NKAIN3: variants seen among roughly 807,000 people sequenced by gnomAD.
The protein encoded by NKAIN3 is sodium/potassium transporting ATPase interacting 3, also known as sodium/potassium-transporting ATPase subunit beta-1-interacting protein 3.
NKAIN3 carries 25 observed loss-of-function variants against 30.2 expected under a neutral mutation model. That is an observed-to-expected ratio of 0.83 (90% CI 0.60 to 1.16). The LOEUF is 1.16. Among genes scored for constraint, NKAIN3 ranks in the 50% most tolerant of loss-of-function variants. The pLI, the probability that NKAIN3 is intolerant of heterozygous loss-of-function variation, is 0.00. For missense variants in NKAIN3, 225 were observed against 254.1 expected (o/e 0.89, Z 0.78); for synonymous variants, 91 against 89.6 (o/e 1.02, Z -0.09).
At chr8:62,730,683 CT>C (rs1815436520) in intron 3 of NKAIN3, among the ~76,000 whole-genome samples, 2 of 151,938 alleles carry the variant, frequency 1.3e-5, no homozygotes, top group Non-Finnish European at 2.9e-5. Context: ...AAATTTCTTC[CT>C]TTCTTTTTAT....
intron 1 of NKAIN3, among the ~76,000 whole-genome samples, chr8:62,540,231 T>G (rs1808796130): frequency 6.6e-6 from 1 of 152,200 alleles, no homozygotes; most frequent in Admixed American, 6.5e-5. Context: ...AAAATGTGCT[T>G]TAGCTGCTTT....
intron 1 of NKAIN3, among the ~76,000 whole-genome samples, chr8:62,335,148 A>G (rs982850765): frequency 6.6e-6 from 1 of 152,060 alleles, no homozygotes; most frequent in Non-Finnish European, 1.5e-5. Context: ...TGAAAATCTC[A>G]TGCCAGCAGG....
At chr8:62,877,018 G>A (rs968525749) in intron 4 of NKAIN3, among the ~76,000 whole-genome samples, 4 of 151,828 alleles carry the variant, frequency 2.6e-5, no homozygotes, top group South Asian at 4.1e-4. Flanking sequence ...GAGAGAGAGT[G>A]AAAGCCAAGC....
chr8:62,341,196 G>T (rs929998353), intron 1 of NKAIN3, among the ~76,000 whole-genome samples: 1 of 151,980 alleles, frequency 6.6e-6, no homozygotes, highest in Admixed American at 6.6e-5. Flanking sequence ...ATTTGTGTAT[G>T]TAATTATGAG....
At chr8:62,256,239 C>A (rs1253795640) in intron 1 of NKAIN3, among the ~76,000 whole-genome samples, 1 of 151,178 alleles carries the variant, frequency 6.6e-6, no homozygotes, top group Non-Finnish European at 1.5e-5. Flanking sequence ...AAAGTGAGAC[C>A]CTGTCTCTAT....
intron 1 of NKAIN3, among the ~76,000 whole-genome samples, chr8:62,421,162 T>C (rs148623240): frequency 6.6e-6 from 1 of 152,250 alleles, no homozygotes; most frequent in Non-Finnish European, 1.5e-5. Flanking sequence ...CTGTCCTTCT[T>C]AGTTCCTCCC....
intron 3 of NKAIN3, among the ~76,000 whole-genome samples, chr8:62,615,191 C>T (rs1405504873): frequency 2.0e-5 from 3 of 152,130 alleles, no homozygotes; most frequent in African/African-American, 7.2e-5. Context: ...TATTCAGAGC[C>T]CAACAGCTCT....
intron 1 of NKAIN3, among the ~76,000 whole-genome samples, chr8:62,377,527 G>C (rs1236759421): frequency 6.6e-6 from 1 of 152,102 alleles, no homozygotes; most frequent in Non-Finnish European, 1.5e-5. Flanking sequence ...GAAATAATGG[G>C]CTCTAAGTGT....
chr8:62,658,943 G>C (rs372943949), intron 3 of NKAIN3, among the ~76,000 whole-genome samples: 1 of 152,008 alleles, frequency 6.6e-6, no homozygotes, highest in Non-Finnish European at 1.5e-5. Context: ...AAATGCAGCA[G>C]TGATGAGGAG....
At chr8:62,616,225 G>A (rs1439844308) in intron 3 of NKAIN3, among the ~76,000 whole-genome samples, 2 of 151,936 alleles carry the variant, frequency 1.3e-5, no homozygotes, top group Non-Finnish European at 2.9e-5. Flanking sequence ...ACTACCTAGA[G>A]CTAGCATAGA....
intron 5 of NKAIN3, among the ~76,000 whole-genome samples, chr8:62,994,364 G>A (rs762192976): frequency 6.6e-6 from 1 of 152,146 alleles, no homozygotes; most frequent in Non-Finnish European, 1.5e-5. Flanking sequence ...GGTGCAGTAT[G>A]CCACCATGTT....
intron 1 of NKAIN3, among the ~76,000 whole-genome samples, chr8:62,362,764 G>T (rs1267926003): frequency 1.3e-5 from 2 of 152,224 alleles, no homozygotes; most frequent in Non-Finnish European, 2.9e-5. Context: ...AGCAGATTCA[G>T]AGAGACTCCA....
chr8:62,467,935 A>G (rs929093935), intron 1 of NKAIN3, among the ~76,000 whole-genome samples: 1 of 151,902 alleles, frequency 6.6e-6, no homozygotes, highest in Non-Finnish European at 1.5e-5. Context: ...ATGCCTGGCT[A>G]ATTTTTTTGC....
chr8:62,867,193 A>C (rs1468323694), intron 4 of NKAIN3, among the ~76,000 whole-genome samples: 1 of 152,162 alleles, frequency 6.6e-6, no homozygotes, highest in Admixed American at 6.5e-5. Context: ...AATGATTAAA[A>C]ACATGATCTT....
intron 1 of NKAIN3, among the ~76,000 whole-genome samples, chr8:62,453,170 T>C (rs189938037): frequency 6.6e-6 from 1 of 152,212 alleles, no homozygotes; most frequent in South Asian, 2.1e-4. Context: ...TCCACTTGCC[T>C]ATTTGACTAA....
chr8:62,539,952 A>G (rs1371845035), intron 1 of NKAIN3, among the ~76,000 whole-genome samples: 1 of 152,180 alleles, frequency 6.6e-6, no homozygotes, highest in Non-Finnish European at 1.5e-5. Context: ...TAAATGATCT[A>G]TGCATTGCTT....
At chr8:62,772,798 C>T (rs549336971) in intron 4 of NKAIN3, among the ~76,000 whole-genome samples, 1 of 151,836 alleles carries the variant, frequency 6.6e-6, no homozygotes, top group African/African-American at 2.4e-5. Context: ...GTAGCTGGGA[C>T]TACAAACGCA....
intron 1 of NKAIN3, among the ~76,000 whole-genome samples, chr8:62,530,399 G>T (rs1257545843): frequency 6.6e-6 from 1 of 152,120 alleles, no homozygotes; most frequent in Admixed American, 6.6e-5. Flanking sequence ...TATCTTGGCA[G>T]TTGCCTGGGG....
At chr8:62,480,871 A>C (rs1329315895) in intron 1 of NKAIN3, among the ~76,000 whole-genome samples, 1 of 152,086 alleles carries the variant, frequency 6.6e-6, no homozygotes, top group Non-Finnish European at 1.5e-5. Flanking sequence ...GGAGAGACAA[A>C]ATTGAGAAGT....
Sources: gnomAD v4.1 joint callset for allele counts (sites outside exome capture counted in the v4.1 genomes callset) on GRCh38, gnomAD v4.1.1 for gene constraint, MANE v1.5 for transcripts, NCBI Gene and HGNC (gene_info 2026-07-23, HGNC 2026-07-21) for gene names.